The following ANGPT1 variants were observed in gnomAD, a reference collection of about 807,000 sequenced individuals.
The protein encoded by ANGPT1 is angiopoietin-1.
ANGPT1 carries 17 observed loss-of-function variants against 62.2 expected under a neutral mutation model. That is an observed-to-expected ratio of 0.27 (90% CI 0.19 to 0.41). The LOEUF (loss-of-function observed/expected upper bound fraction) is 0.41. Among genes scored for constraint, ANGPT1 ranks in the 10% least tolerant of loss-of-function variants. The probability of loss-of-function intolerance (pLI) is 1.00; values close to 1 mark genes in which losing one functional copy is unlikely to be tolerated. For missense variants in ANGPT1, 478 were observed against 594.9 expected, an observed-to-expected ratio of 0.80 and a Z score of 2.04; for synonymous variants, 199 against 198.9, an observed-to-expected ratio of 1.00 and a Z score of 0.00.
intron 1 of ANGPT1, among the ~76,000 whole-genome samples, chr8:107,462,926 GT>G (rs1812108261): frequency 6.6e-6 from 1 of 152,016 alleles, no homozygotes; most frequent in African/African-American, 2.4e-5. Context: ...ATAAAAGAAA[GT>G]TGACATTTCT....
chr8:107,299,619 C>T (rs998298123), intron 5 of ANGPT1, among the ~76,000 whole-genome samples: 3 of 135,398 alleles, frequency 2.2e-5, no homozygotes, highest in Non-Finnish European at 4.7e-5. Flanking sequence ...TATTATATAT[C>T]TATATATAGA....
intron 1 of ANGPT1, among the ~76,000 whole-genome samples, chr8:107,428,168 G>A (rs767343614): frequency 1.5e-4 from 23 of 152,110 alleles, no homozygotes; most frequent in Non-Finnish European, 3.1e-4. Flanking sequence ...ATGTTTCTTC[G>A]CAAGCTACAA....
At chr8:107,330,583 T>C (rs1815397833) in intron 3 of ANGPT1, among the ~76,000 whole-genome samples, 1 of 152,168 alleles carries the variant, frequency 6.6e-6, no homozygotes, top group Non-Finnish European at 1.5e-5. Context: ...ACTTGCATTT[T>C]AGAAAGAAGA....
chr8:107,435,976 T>C (rs997058266), intron 1 of ANGPT1, among the ~76,000 whole-genome samples: 1 of 152,202 alleles, frequency 6.6e-6, no homozygotes, highest in Non-Finnish European at 1.5e-5. Flanking sequence ...AATCACAGCT[T>C]ACTGCAGTCT....
chr8:107,361,216 G>C (rs1586255421), intron 1 of ANGPT1, among the ~76,000 whole-genome samples: 1 of 151,632 alleles, frequency 6.6e-6, no homozygotes, highest in Non-Finnish European at 1.5e-5. Flanking sequence ...TTTTTTTAAA[G>C]TTTACTAACA....
chr8:107,438,435 A>G (rs902674168), intron 1 of ANGPT1, among the ~76,000 whole-genome samples: 2 of 152,174 alleles, frequency 1.3e-5, no homozygotes, highest in African/African-American at 4.8e-5. Flanking sequence ...ATACTTATTG[A>G]AAATAGTTTG....
intron 1 of ANGPT1, among the ~76,000 whole-genome samples, chr8:107,489,093 A>G (rs1391467529): frequency 6.6e-6 from 1 of 152,202 alleles, no homozygotes; most frequent in Non-Finnish European, 1.5e-5. Flanking sequence ...ATAGAGCTAC[A>G]CACGTCACTA....
At chr8:107,292,576 C>T (rs555763947) in intron 6 of ANGPT1, among the ~76,000 whole-genome samples, 12 of 152,230 alleles carry the variant, frequency 7.9e-5, no homozygotes, top group African/African-American at 2.4e-4. Flanking sequence ...GGAATTATAT[C>T]TTGCTGGCTT....
intron 1 of ANGPT1, among the ~76,000 whole-genome samples, chr8:107,443,987 T>G (rs977952202): frequency 2.6e-5 from 4 of 152,190 alleles, no homozygotes; most frequent in African/African-American, 9.7e-5. Flanking sequence ...CTATTTGGTA[T>G]GATTTAGTAT....
chr8:107,251,799 T>A lies in ANGPT1; in HGVS notation c.*56A>T, dbSNP rs1813253186. ...TGAAGTTTTCAAACAGTTTCTCACC[T>A]GGCAGCTTCTCCGGATTTCTTTGTT... On this transcript the variant is annotated 3_prime_UTR_variant, in exon 9 of 9. Coordinates refer to ENST00000517746, the MANE Select transcript of ANGPT1 (RefSeq NM_001146.5). 4 of 1,599,838 alleles carry A rather than the reference T, an allele frequency of 2.5e-6. No homozygotes were observed. Among genetic ancestry groups the A allele is most frequent in the Non-Finnish European group, 3.4e-6 (4 of 1,169,652 alleles).
At chr8:107,333,851 G>GA (rs1815482164) in intron 3 of ANGPT1, among the ~76,000 whole-genome samples, 2 of 151,320 alleles carry the variant, frequency 1.3e-5, no homozygotes, top group South Asian at 4.2e-4. Context: ...TAAAAATCAT[G>GA]ATGGGAAGAC....
intron 1 of ANGPT1, among the ~76,000 whole-genome samples, chr8:107,349,234 C>T (rs1815881485): frequency 1.3e-5 from 2 of 152,042 alleles, no homozygotes; most frequent in African/African-American, 4.8e-5. Context: ...TTTTGAGCAC[C>T]TGGACCTAGC....
intron 1 of ANGPT1, among the ~76,000 whole-genome samples, chr8:107,452,310 G>C (rs1055823596): frequency 6.6e-6 from 1 of 151,502 alleles, no homozygotes; most frequent in Non-Finnish European, 1.5e-5. Flanking sequence ...ATCTTACGGA[G>C]AGACCATGGA....
chr8:107,408,624 T>C (rs73311685), intron 1 of ANGPT1, among the ~76,000 whole-genome samples: 1,763 of 152,224 alleles, frequency 0.012, 44 homozygotes, highest in African/African-American at 0.04. Flanking sequence ...GTTTAAATAG[T>C]GATAATGGAT....
chr8:107,425,354 G>A (rs1442289633), intron 1 of ANGPT1, among the ~76,000 whole-genome samples: 1 of 152,106 alleles, frequency 6.6e-6, no homozygotes, highest in Admixed American at 6.5e-5. Context: ...ACTTAATACA[G>A]ACAACCCTGG....
intron 2 of ANGPT1, among the ~76,000 whole-genome samples, chr8:107,340,364 G>A (rs548083866): frequency 3.3e-5 from 5 of 152,054 alleles, no homozygotes; most frequent in African/African-American, 4.8e-5. Flanking sequence ...GAGGATTTAC[G>A]GGCTACAAAA....
rs1429529312 is a variant in ANGPT1, at chr8:107,252,441, T to C, written c.1337-426A>G. 3.3e-5 allele frequency among the ~76,000 whole-genome samples: 5 copies of C among 152,200 alleles called. No homozygotes were observed. The South Asian group carries it at 1.0e-3, about 31-fold the overall frequency. ...GAACAATTAATTATTAGTGAAGAAA[T>C]GCAGAAACTTAGACAAGCAACTGAG... On this transcript the variant is annotated intron_variant, in intron 8 of 8. Transcript: ENST00000517746.
At chr8:107,453,430 G>A (rs1017465857) in intron 1 of ANGPT1, among the ~76,000 whole-genome samples, 3 of 151,976 alleles carry the variant, frequency 2.0e-5, no homozygotes, top group East Asian at 3.9e-4. Context: ...GCAAGGAGGA[G>A]CAAGTCACAT....
At chr8:107,395,747 C>A (rs537319065) in intron 1 of ANGPT1, among the ~76,000 whole-genome samples, 1 of 152,144 alleles carries the variant, frequency 6.6e-6, no homozygotes, top group African/African-American at 2.4e-5. Context: ...ATAGATTTCA[C>A]TTTAACTTTG....
Sources: allele counts gnomAD v4.1 joint callset (sites outside exome capture counted in the v4.1 genomes callset), GRCh38; gene constraint gnomAD v4.1.1; transcripts MANE v1.5; gene names NCBI Gene and HGNC (gene_info 2026-07-23, HGNC 2026-07-21).